The following MCC variants were observed in gnomAD, a reference collection of about 807,000 sequenced individuals.
The protein encoded by MCC is MCC regulator of Wnt signaling pathway.
In MCC, 90 loss-of-function variants were observed where a neutral mutation model predicts 116.2. The ratio of observed to expected loss-of-function variants is 0.77; its 90% CI spans 0.65 to 0.92. The LOEUF (loss-of-function observed/expected upper bound fraction) is 0.92, where lower values mean the gene tolerates loss of function less well. MCC is among the 40% of genes least tolerant of loss of function. The probability of loss-of-function intolerance (pLI) is 0.00; values close to 1 mark genes in which losing one functional copy is unlikely to be tolerated. For missense variants in MCC, 1,516 were observed against 1,312.2 expected (o/e 1.16, Z -2.40); for synonymous variants, 578 against 510.5 (o/e 1.13, Z -1.78).
At chr5:113,342,223 CT>C (rs539627642) in intron 2 of MCC, among the ~76,000 whole-genome samples, 150 of 152,252 alleles carry the variant, frequency 9.9e-4, no homozygotes, top group Admixed American at 1.6e-3. Flanking sequence ...ACCACATTTT[CT>C]TTATCCAGTT....
At chr5:113,156,250 C>A (rs1037401956) in intron 3 of MCC, among the ~76,000 whole-genome samples, 1 of 152,220 alleles carries the variant, frequency 6.6e-6, no homozygotes, top group African/African-American at 2.4e-5. Flanking sequence ...TCCTAATTCA[C>A]AGAATCAGAT....
intron 3 of MCC, among the ~76,000 whole-genome samples, chr5:113,234,882 T>C (rs1228598455): frequency 6.6e-6 from 1 of 152,166 alleles, no homozygotes; most frequent in Non-Finnish European, 1.5e-5. Flanking sequence ...CAAAGGTAGA[T>C]GAAAGAGACA....
intron 1 of MCC, among the ~76,000 whole-genome samples, chr5:113,464,399 C>T (rs1466310782): frequency 1.3e-5 from 2 of 152,200 alleles, no homozygotes; most frequent in African/African-American, 4.8e-5. Context: ...TTTGCCTTTG[C>T]TGTTCCTTTA....
intron 2 of MCC, among the ~76,000 whole-genome samples, chr5:113,364,082 T>A (rs992384259): frequency 2.6e-4 from 40 of 151,374 alleles, no homozygotes; most frequent in Admixed American, 2.5e-3. Context: ...AATGCAAAAA[T>A]TAGCTGGGCA....
At chr5:113,151,777 A>C (rs1759892023) in intron 3 of MCC, among the ~76,000 whole-genome samples, 1 of 152,196 alleles carries the variant, frequency 6.6e-6, no homozygotes, top group African/African-American at 2.4e-5. Flanking sequence ...CATGAGAGTC[A>C]AGAAAATCAG....
At chr5:113,429,378 T>C (rs57530930) in intron 1 of MCC, among the ~76,000 whole-genome samples, 45,534 of 151,918 alleles carry the variant, frequency 0.3, 8,812 homozygotes, top group African/African-American at 0.54. Flanking sequence ...CAGCATCAAC[T>C]AGCATCTTAA....
chr5:113,093,091 G>A (rs979304151), intron 8 of MCC, among the ~76,000 whole-genome samples: 15 of 152,114 alleles, frequency 9.9e-5, no homozygotes, highest in Admixed American at 6.6e-5. Context: ...AAGAGAAGGC[G>A]ACAGCAGAGT....
At chr5:113,363,385 C>A (rs1768598807) in intron 2 of MCC, among the ~76,000 whole-genome samples, 1 of 152,300 alleles carries the variant, frequency 6.6e-6, no homozygotes, top group Admixed American at 6.5e-5. Context: ...AGCATGATGC[C>A]AGTATCCACT....
chr5:113,406,267 C>T (rs1388596139), intron 1 of MCC, among the ~76,000 whole-genome samples: 1 of 152,230 alleles, frequency 6.6e-6, no homozygotes, highest in East Asian at 1.9e-4. Context: ...TCCAGCTTTA[C>T]ACCATTTTAT....
At chr5:113,364,570 C>T (rs1217527758) in intron 2 of MCC, among the ~76,000 whole-genome samples, 1 of 152,236 alleles carries the variant, frequency 6.6e-6, no homozygotes, top group East Asian at 1.9e-4. Flanking sequence ...TCTCCCAGCT[C>T]CACTAGACAG....
chr5:113,429,139 T>C (rs549152263), intron 1 of MCC, among the ~76,000 whole-genome samples: 5 of 152,188 alleles, frequency 3.3e-5, no homozygotes, highest in Non-Finnish European at 7.4e-5. Context: ...CCTTCCCAAA[T>C]TCATATGCTG....
At chr5:113,204,373 T>G (rs2150320348) in intron 3 of MCC, 1 of 152,284 alleles carries the variant, frequency 6.6e-6, no homozygotes, top group Non-Finnish European at 1.5e-5. Flanking sequence ...TCTAAAACTG[T>G]GTGGATAGCT....
chr5:113,234,904 T>C (rs981738896), intron 3 of MCC, among the ~76,000 whole-genome samples: 1 of 152,312 alleles, frequency 6.6e-6, no homozygotes, highest in African/African-American at 2.4e-5. Flanking sequence ...AAATATCTTA[T>C]GAAAGGAGAT....
intron 3 of MCC, among the ~76,000 whole-genome samples, chr5:113,193,329 AT>A: frequency 7.3e-6 from 1 of 137,638 alleles, no homozygotes. Flanking sequence ...ATATTCAGTA[AT>A]TCTGGGGATT....
Position 113,027,016 on chromosome 5 carries a change from T to G in MCC, c.*286A>C. ...CCAGACCAGAAGAGGAGGGGGAGAGTGAGTGCTGAAAGCAGAAACGAGGCT... is the reference window on the plus strand; with the variant it reads ...CCAGACCAGAAGAGGAGGGGGAGAGGGAGTGCTGAAAGCAGAAACGAGGCT... On this transcript the variant is annotated 3_prime_UTR_variant, in exon 19 of 19. Transcript: ENST00000408903. 7 of 352,124 alleles carry G rather than the reference T, an allele frequency of 2.0e-5. No homozygotes were observed. Among genetic ancestry groups the G allele is most frequent in the South Asian group, 9.4e-5 (1 of 10,688 alleles). The allele number at this position is 352,124 out of a possible 1,614,324, so 21.8% of individuals were successfully genotyped here. A position where few individuals can be genotyped will look rare whatever the true frequency, so the allele number is the denominator to read the frequency against.
At chr5:113,447,132 C>G (rs11960559) in intron 1 of MCC, among the ~76,000 whole-genome samples, 3,422 of 152,020 alleles carry the variant, frequency 0.023, 142 homozygotes, top group African/African-American at 0.079. Context: ...TCTCTGGGCA[C>G]CTTTGTCTAA....
intron 11 of MCC, among the ~76,000 whole-genome samples, chr5:113,080,597 G>C (rs958782263): frequency 6.6e-6 from 1 of 152,122 alleles, no homozygotes; most frequent in Admixed American, 6.5e-5. Context: ...GGTGGGAATT[G>C]AACAATGAGA....
intron 1 of MCC, among the ~76,000 whole-genome samples, chr5:113,437,547 G>A (rs1770898666): frequency 6.6e-6 from 1 of 152,066 alleles, no homozygotes; most frequent in South Asian, 2.1e-4. Context: ...TCATTTATTT[G>A]CATTTTACAA....
In MCC at chr5:113,182,822, T is replaced by C. The variant is rs1208080141; in HGVS notation, c.628-31400A>G. On this transcript the variant is annotated intron_variant, in intron 3 of 18. Transcript: ENST00000408903. Reference sequence around the variant, plus strand: ...AATGCATGCGCATCCAATGAGGAACTGACAATCCAGATGGCGGGAAGGTAT... The same window carrying C: ...AATGCATGCGCATCCAATGAGGAACCGACAATCCAGATGGCGGGAAGGTAT... Among the ~76,000 whole-genome samples, 6 of 152,188 alleles carry C rather than the reference T, an allele frequency of 3.9e-5. No individual in the cohort carries two copies. In the East Asian group the frequency reaches 1.2e-3, roughly 29 times the overall value.
Sources: gnomAD v4.1 joint callset for allele counts (sites outside exome capture counted in the v4.1 genomes callset) on GRCh38, gnomAD v4.1.1 for gene constraint, MANE v1.5 for transcripts, NCBI Gene and HGNC (gene_info 2026-07-23, HGNC 2026-07-21) for gene names.